The following MAF variants were observed in gnomAD, a reference collection of about 807,000 sequenced individuals.
MAF encodes the protein transcription factor Maf.
A neutral mutation model predicts 22.0 loss-of-function variants in MAF; 10 were observed. That is an observed-to-expected ratio of 0.45 (90% CI 0.28 to 0.77). MAF has a LOEUF of 0.77. Among genes scored for constraint, MAF ranks in the 30% least tolerant of loss-of-function variants. The probability of loss-of-function intolerance (pLI) is 0.12; values close to 1 mark genes in which losing one functional copy is unlikely to be tolerated. For synonymous variants in MAF, 337 were observed against 255.8 expected (o/e 1.32, Z -3.03); for missense variants, 544 against 548.4 (o/e 0.99, Z 0.08).
chr16:79,253,710 C>G, the MAF span, among the ~76,000 whole-genome samples: 2 of 152,242 alleles, frequency 1.3e-5, no homozygotes, highest in South Asian at 4.2e-4. Flanking sequence ...AAACATGGAA[C>G]ACCTGCTATT....
chr16:79,322,127 G>T, the MAF span, among the ~76,000 whole-genome samples: 1 of 152,140 alleles, frequency 6.6e-6, no homozygotes, highest in Non-Finnish European at 1.5e-5. Flanking sequence ...AGCTACTCAG[G>T]AGGCTGAGGT....
At chr16:79,426,301 T>C in the MAF span, among the ~76,000 whole-genome samples, 60,553 of 152,122 alleles carry the variant, frequency 0.4, 13,199 homozygotes, top group East Asian at 0.78. Flanking sequence ...AATATCTGGT[T>C]CATAATTTTT....
chr16:79,437,072 T>G, the MAF span, among the ~76,000 whole-genome samples: 2 of 152,148 alleles, frequency 1.3e-5, no homozygotes, highest in African/African-American at 4.8e-5. Context: ...ACACTGTTAA[T>G]AACCTCGGCA....
the MAF span, among the ~76,000 whole-genome samples, chr16:79,215,478 C>T: frequency 5.9e-5 from 9 of 152,254 alleles, no homozygotes; most frequent in East Asian, 3.9e-4. Flanking sequence ...AAGATATTGG[C>T]GTATCATCAG....
At chr16:79,366,861 G>A in the MAF span, among the ~76,000 whole-genome samples, 1 of 152,196 alleles carries the variant, frequency 6.6e-6, no homozygotes, top group Non-Finnish European at 1.5e-5. Context: ...GGCTCATACA[G>A]ACTCTGGCCA....
chr16:79,449,613 G>A, the MAF span, among the ~76,000 whole-genome samples: 3 of 152,326 alleles, frequency 2.0e-5, no homozygotes, highest in East Asian at 1.9e-4. Flanking sequence ...CCGGCCTACA[G>A]CAGGACAGAG....
chr16:79,428,079 G>A, the MAF span, among the ~76,000 whole-genome samples: 3 of 127,014 alleles, frequency 2.4e-5, no homozygotes, highest in Non-Finnish European at 4.7e-5. Context: ...GCGACAGAGT[G>A]AGACACCGAC....
the MAF span, among the ~76,000 whole-genome samples, chr16:79,229,655 C>G: frequency 1.3e-5 from 2 of 151,824 alleles, no homozygotes; most frequent in Non-Finnish European, 2.9e-5. Context: ...GCGAGCAGCA[C>G]CTGGGCAAGC....
chr16:79,581,585 C>G (rs542328226), downstream of MAF, among the ~76,000 whole-genome samples: 3 of 152,330 alleles, frequency 2.0e-5, no homozygotes, highest in South Asian at 6.2e-4. Context: ...TCAATTCTCA[C>G]CTCTACTGCC....
the MAF span, among the ~76,000 whole-genome samples, chr16:79,533,055 G>C: frequency 5.3e-5 from 8 of 152,196 alleles, no homozygotes; most frequent in African/African-American, 1.9e-4. Flanking sequence ...AATGCCCTTC[G>C]GGGTAACTTA....
chr16:79,430,066 C>T, the MAF span, among the ~76,000 whole-genome samples: 1 of 152,168 alleles, frequency 6.6e-6, no homozygotes, highest in African/African-American at 2.4e-5. Context: ...GGCATCCACC[C>T]CGGGGCCCCT....
chr16:79,415,492 G>T, the MAF span, among the ~76,000 whole-genome samples: 1 of 152,218 alleles, frequency 6.6e-6, no homozygotes, highest in Non-Finnish European at 1.5e-5. Flanking sequence ...AGAGCTATGT[G>T]TTGGGGCAGA....
At chr16:79,242,474 T>G in the MAF span, among the ~76,000 whole-genome samples, 78,503 of 151,506 alleles carry the variant, frequency 0.52, 21,185 homozygotes, top group Non-Finnish European at 0.59. Flanking sequence ...TACATAATAC[T>G]AAAGGGATCA....
chr16:79,227,618 A>G, the MAF span, among the ~76,000 whole-genome samples: 1 of 151,936 alleles, frequency 6.6e-6, no homozygotes, highest in African/African-American at 2.4e-5. Flanking sequence ...GATATATGAC[A>G]AACCCCATTC....
the MAF span, among the ~76,000 whole-genome samples, chr16:79,222,616 T>C: frequency 1.3e-5 from 2 of 152,162 alleles, no homozygotes; most frequent in South Asian, 4.1e-4. Context: ...CATCCTGTGC[T>C]GTATTCAGGA....
chr16:79,369,764 G>A, the MAF span, among the ~76,000 whole-genome samples: 2 of 152,242 alleles, frequency 1.3e-5, no homozygotes, highest in South Asian at 4.1e-4. Context: ...CACCCTCCAT[G>A]ATGGGTTCAA....
At chr16:79,309,542 A>T in the MAF span, among the ~76,000 whole-genome samples, 1 of 152,208 alleles carries the variant, frequency 6.6e-6, no homozygotes, top group East Asian at 1.9e-4. Flanking sequence ...ACAGAGCACG[A>T]ATATTTTATC....
chr16:79,480,416 C>A, the MAF span, among the ~76,000 whole-genome samples: 1 of 151,792 alleles, frequency 6.6e-6, no homozygotes, highest in Non-Finnish European at 1.5e-5. Context: ...ACTAGTGTGA[C>A]CCAGATTGAG....
chr16:79,394,604 A>G, the MAF span, among the ~76,000 whole-genome samples: 19 of 152,294 alleles, frequency 1.2e-4, 1 homozygote, highest in Middle Eastern at 3.4e-3. Flanking sequence ...AAATGGGTCA[A>G]TATCAGTACT....
Sources: allele counts gnomAD v4.1 joint callset (sites outside exome capture counted in the v4.1 genomes callset), GRCh38; gene constraint gnomAD v4.1.1; transcripts MANE v1.5; gene names NCBI Gene and HGNC (gene_info 2026-07-23, HGNC 2026-07-21).